HRC: variants seen among roughly 807,000 people sequenced by gnomAD.
HRC encodes histidine rich calcium binding protein, also known as sarcoplasmic reticulum histidine-rich calcium-binding protein.
In HRC, 41 loss-of-function variants were observed where a neutral mutation model predicts 61.4. The observed-to-expected ratio is 0.67, with a 90% CI of 0.52 to 0.87. The LOEUF (loss-of-function observed/expected upper bound fraction) is 0.87, where lower values mean the gene tolerates loss of function less well. Ranked by LOEUF, HRC falls within the 40% of genes least tolerant of loss-of-function variation. The pLI is 0.00. For synonymous variants in HRC, 308 were observed against 326.6 expected (o/e 0.94, Z 0.62); for missense variants, 839 against 885.8 (o/e 0.95, Z 0.67).
chr19:49,154,011 C>G lies in HRC; in HGVS notation c.1227G>C (p.Glu409Asp). ...GATGGTGAGGGACTTCTGTTTTATACTCATCTTGGAAGTCCTCTTCATCAC... is the reference window on the plus strand; with the variant it reads ...GATGGTGAGGGACTTCTGTTTTATAGTCATCTTGGAAGTCCTCTTCATCAC... ...HKSDEEDFQDEYKTEVPHHHH... is the reference protein window; with the variant it reads ...HKSDEEDFQDDYKTEVPHHHH... Residue 409 changes from glutamate (E) to aspartate (D), a missense_variant, in exon 1 of 6, where the codon GAG (glutamate) becomes GAC (aspartate). Physicochemically the swap from Glu to Asp is conservative, Grantham distance 45. Transcript: ENST00000252825. The G allele has an allele frequency of 6.2e-7, 1 of 1,613,958 alleles. No homozygotes were observed. The highest frequency in any genetic ancestry group is 8.5e-7 in the Non-Finnish European group (1 of 1,179,988).
Position 49,151,486 on chromosome 19 carries a change from GCTTTTACACGCTCCC to G in HRC, c.2063+16_2063+30del. ...CGAGACAAGCACTTCTCTAAACGGGGCTTTTACACGCTCCCCTTTTACACACTTACTGATAAAGGG... is the reference window on the plus strand; with the variant it reads ...CGAGACAAGCACTTCTCTAAACGGGGCTTTTACACACTTACTGATAAAGGG... On this transcript the variant is annotated intron_variant, in intron 5 of 5. Coordinates refer to ENST00000252825, the MANE Select transcript of HRC (RefSeq NM_002152.3). 6 of 1,610,990 alleles carry G rather than the reference GCTTTTACACGCTCCC, an allele frequency of 3.7e-6. No individual in the cohort carries two copies. The highest frequency in any genetic ancestry group is 5.1e-6 in the Non-Finnish European group (6 of 1,177,248).
chr19:49,151,850 C>G lies in HRC; in HGVS notation c.2026+154G>C. On this transcript the variant is annotated intron_variant, in intron 4 of 5. Transcript: ENST00000252825. The stretch of plus-strand genomic sequence containing the variant: ...GCAACTCCACCTGGTGTTCCTCGAG[C>G]CAGGCCCCGGCCCACGTGCTCAGAG... The G allele has an allele frequency of 9.4e-6, 7 of 743,272 alleles. No individual in the cohort carries two copies. The South Asian group carries it at 1.0e-4, about 11-fold the overall frequency. 46.0% of individuals were successfully genotyped at this position (743,272 alleles called of 1,614,324 possible).
rs1272919344 is a variant in HRC, at chr19:49,151,520, T to C, written c.2060A>G (p.Tyr687Cys). Residue 687 changes from tyrosine to cysteine, a missense_variant, in exon 5 of 6, where the codon TAT becomes TGT. Coordinates refer to ENST00000252825, the MANE Select transcript of HRC (RefSeq NM_002152.3). ...SYVDYFSSSL[Y>C]QALADMLETP... ...CGCTCCCCTTTTACACACTTACTGA[T>C]AAAGGGACGAGGAGAAATAGTCAAC... The C allele has an allele frequency of 1.2e-6, 2 of 1,613,700 alleles. No individual in the cohort carries two copies. Among genetic ancestry groups the C allele is most frequent in the African/African-American group, 2.7e-5 (2 of 74,856 alleles).
At position 49,153,629 on chromosome 19, in the gene HRC, C is replaced by T. The variant is rs1307660417; in HGVS notation, c.1609G>A (p.Glu537Lys). Residue 537 changes from glutamate (E) to lysine (K), a missense_variant, in exon 1 of 6, where the codon GAG becomes AAG. Transcript: ENST00000252825. The surrounding 1 kb of genome is among the most constrained non-coding windows in gnomAD (Gnocchi z 4.8). ...TCCTCCTCCTCCTCCTTGTCTTCCT[C>T]TTCTTCCTCCTCCTGGTTCAGGCTG... ...GLSLNQEEEE[E>K]EDKEEEEEEE... 2 of 1,557,652 alleles carry T rather than the reference C, an allele frequency of 1.3e-6. No individual in the cohort carries two copies. Among genetic ancestry groups the T allele is most frequent in the South Asian group, 1.1e-5 (1 of 89,464 alleles).
chr19:49,153,482 T>A lies in HRC; in HGVS notation c.1756A>T (p.Ile586Phe), dbSNP rs927207163. 6.3e-7 allele frequency: 1 copy of A among 1,593,370 alleles called. No individual in the cohort carries two copies. Among genetic ancestry groups the A allele is most frequent in the Non-Finnish European group, 8.6e-7 (1 of 1,169,540 alleles). Reference sequence around the variant, plus strand: ...CTCCTGTCCAGTGGGTTGGGGATGATGGTGAAGCGGGGCTCATCTTCCTCC... The same window carrying A: ...CTCCTGTCCAGTGGGTTGGGGATGAAGGTGAAGCGGGGCTCATCTTCCTCC... ...GLEEDEPRFT[I>F]IPNPLDRREE... Residue 586 changes from isoleucine (I) to phenylalanine (F), a missense_variant, in exon 1 of 6, where the codon ATC (isoleucine) becomes TTC (phenylalanine). Ile to Phe is a conservative substitution (Grantham distance 21, BLOSUM62 0). Coordinates refer to ENST00000252825, the MANE Select transcript of HRC (RefSeq NM_002152.3). The surrounding 1 kb of genome is among the most constrained non-coding windows in gnomAD (Gnocchi z 4.8).
chr19:49,152,166 T>A (rs2041367150), intron 3 of HRC, 108 bp from the exon 4 acceptor site: 5 of 1,292,420 alleles, frequency 3.9e-6, no homozygotes, highest in Non-Finnish European at 5.6e-6. Context: ...AGGTTAAGGT[T>A]GGAGTCAGGA....
rs1244265243 is a variant in HRC at position 49,154,216 on chromosome 19, G to C, written c.1022C>G (p.Pro341Arg). Reference sequence around the variant, plus strand: ...TCTGTGGCCTTGGTGCCTGTGGTCAGGGACATGATGGTGGTGTTCACCTGA... The same window carrying C: ...TCTGTGGCCTTGGTGCCTGTGGTCACGGACATGATGGTGGTGTTCACCTGA... The part of the protein sequence containing the change: ...AVSGEHHHHV[P>R]DHRHQGHRDE... Residue 341 changes from proline (P) to arginine (R), a missense_variant, in exon 1 of 6, where the codon CCT (proline) becomes CGT (arginine). Coordinates refer to ENST00000252825, the MANE Select transcript of HRC (RefSeq NM_002152.3). The C allele has an allele frequency of 6.2e-7, 1 of 1,612,764 alleles. No homozygotes were observed. The highest frequency in any genetic ancestry group is 1.7e-5 in the Admixed American group (1 of 59,922).
In HRC at chr19:49,155,275, C is replaced by T. The variant is rs745840701; in HGVS notation, c.-38G>A. ...GCAGCACTGGCTCCAGCTGCCTCTG[C>T]GGCAATGTGGACAAACGTTGGGGTC... On this transcript the variant is annotated 5_prime_UTR_variant, in exon 1 of 6. Transcript: ENST00000252825. The surrounding 1 kb of genome is among the most constrained non-coding windows in gnomAD (Gnocchi z 4.7). 1.9e-5 allele frequency: 29 copies of T among 1,548,882 alleles called. No homozygotes were observed. The highest frequency in any genetic ancestry group is 6.0e-5 in the Admixed American group (3 of 49,690).
Position 49,153,112 on chromosome 19 carries a change from C to T in HRC, c.1902+149G>A, listed in dbSNP as rs952226712. The T allele has an allele frequency of 7.3e-6, 5 of 680,366 alleles. No individual in the cohort carries two copies. Among genetic ancestry groups the T allele is most frequent in the Non-Finnish European group, 1.3e-5 (5 of 372,420 alleles). The allele number at this position is 680,366 out of a possible 1,614,324, so 42.1% of individuals were successfully genotyped here. A position where few individuals can be genotyped will look rare whatever the true frequency, so the allele number is the denominator to read the frequency against. On this transcript the variant is annotated intron_variant, in intron 2 of 5. Transcript: ENST00000252825. This position sits in a 1 kb window ranked among gnomAD's most constrained non-coding sequence, Gnocchi z 4.8. ...CCAGCCTCCCAGCCTTCAGTCTGTC[C>T]TCACCTCACATGCCTGCAGAAGGAT...
At chr19:49,152,472 A>G (rs1600362632) in intron 2 of HRC, 94 bp from the exon 3 acceptor site, 15 of 909,894 alleles carry the variant, frequency 1.6e-5, no homozygotes, top group Non-Finnish European at 1.2e-5. Context: ...ACGCTTCCCC[A>G]GACTCTACCC....
At position 49,153,181 on chromosome 19, in the gene HRC, C is replaced by A. The variant is rs770642602; in HGVS notation, c.1902+80G>T. ...GACCCTGGCCTGCCCTTGCTCTGAG[C>A]CCTCCCACAGCACCACCCCAGGGCC... On this transcript the variant is annotated intron_variant, in intron 2 of 5. Coordinates refer to ENST00000252825, the MANE Select transcript of HRC (RefSeq NM_002152.3). The surrounding 1 kb of genome is among the most constrained non-coding windows in gnomAD (Gnocchi z 4.8). 2.8e-5 allele frequency: 30 copies of A among 1,068,956 alleles called. No homozygotes were observed. The highest frequency in any genetic ancestry group is 4.2e-5 in the Non-Finnish European group (29 of 694,252). 66.2% of individuals were successfully genotyped at this position (1,068,956 alleles called of 1,614,324 possible).
intron 4 of HRC, 85 bp from the exon 5 acceptor site, chr19:49,151,638 G>A (rs1049775993): frequency 4.2e-6 from 5 of 1,187,336 alleles, no homozygotes; most frequent in African/African-American, 1.5e-5. Context: ...CGAGATTAGT[G>A]CTAGCTCCAC....
chr19:49,153,339 G>T lies in HRC; in HGVS notation c.1832-8C>A. ...CCTGAGCATCCTGTGGACCTGCGGGGACAGGAGGGCAGCAGTGACCCAGGC... is the reference window on the plus strand; with the variant it reads ...CCTGAGCATCCTGTGGACCTGCGGGTACAGGAGGGCAGCAGTGACCCAGGC... On this transcript the variant is annotated splice_region_variant and splice_polypyrimidine_tract_variant and intron_variant, in intron 1 of 5. Transcript: ENST00000252825. The surrounding 1 kb of genome is among the most constrained non-coding windows in gnomAD (Gnocchi z 4.8). 6.2e-7 allele frequency: 1 copy of T among 1,612,982 alleles called. No homozygotes were observed. Among genetic ancestry groups the T allele is most frequent in the Non-Finnish European group, 8.5e-7 (1 of 1,178,976 alleles).
chr19:49,151,198 T>G lies in HRC; in HGVS notation c.*98A>C. 9.0e-7 allele frequency: 1 copy of G among 1,104,994 alleles called. No homozygotes were observed. Among genetic ancestry groups the G allele is most frequent in the Non-Finnish European group, 1.3e-6 (1 of 773,038 alleles). 68.4% of individuals were successfully genotyped at this position (1,104,994 alleles called of 1,614,324 possible). ...CCAGACCCCACGTCTGACAATGAGG[T>G]TTCGGGGAGCACGTTTATTCGGAGA... On this transcript the variant is annotated 3_prime_UTR_variant, in exon 6 of 6. Transcript: ENST00000252825.
chr19:49,155,378 G>A lies in HRC; in HGVS notation c.-141C>T, dbSNP rs997114944. On this transcript the variant is annotated 5_prime_UTR_variant, in exon 1 of 6. Coordinates refer to ENST00000252825, the MANE Select transcript of HRC (RefSeq NM_002152.3). This position sits in a 1 kb window ranked among gnomAD's most constrained non-coding sequence, Gnocchi z 4.7. ...TTCGGTCTCTGTCCACCTTCCTCTG[G>A]TCCTTGCTGCCTGGCTCTGGACACC... The A allele has an allele frequency of 3.2e-6, 4 of 1,250,050 alleles. No homozygotes were observed. The highest frequency in any genetic ancestry group is 3.0e-5 in the African/African-American group (2 of 65,764). 77.4% of individuals were successfully genotyped at this position (1,250,050 alleles called of 1,614,324 possible).
At chr19:49,151,460 G>C in intron 5 of HRC, 57 bp downstream of exon 5, 1 of 1,596,706 alleles carries the variant, frequency 6.3e-7, no homozygotes, top group South Asian at 1.1e-5. Flanking sequence ...ATAACTCATA[G>C]CGAGACAAGC....
Position 49,153,588 on chromosome 19 carries a change from C to T in HRC, c.1650G>A (p.Glu550=), listed in dbSNP as rs537499546. The change falls in exon 1 of 6, where the codon GAG becomes GAA. Residue 550 remains glutamate, a synonymous_variant. Coordinates refer to ENST00000252825, the MANE Select transcript of HRC (RefSeq NM_002152.3). This position sits in a 1 kb window ranked among gnomAD's most constrained non-coding sequence, Gnocchi z 4.8. Reference sequence around the variant, plus strand: ...CAACCTCAGCCCTCTCTTCCCTCCTCTCCTCGTCTTCTTCCTCCTCCTCCT... The same window carrying T: ...CAACCTCAGCCCTCTCTTCCCTCCTTTCCTCGTCTTCTTCCTCCTCCTCCT... ...KEEEEEEEDE[E]RREERAEVGA... 5 of 1,533,266 alleles carry T rather than the reference C, an allele frequency of 3.3e-6. No individual in the cohort carries two copies. In the African/African-American group the frequency reaches 4.1e-5, roughly 13 times the overall value. The allele number at this position is 1,533,266 out of a possible 1,614,324, so 95.0% of individuals were successfully genotyped here.
Position 49,153,639 on chromosome 19 carries a change from C to T in HRC, c.1599G>A (p.Glu533=). The T allele has an allele frequency of 1.3e-6, 2 of 1,561,846 alleles. No individual in the cohort carries two copies. Among genetic ancestry groups the T allele is most frequent in the East Asian group, 2.2e-5 (1 of 44,612 alleles). ...EEGHGLSLNQ[E]EEEEEDKEEE... ...CCTCCTTGTCTTCCTCTTCTTCCTC[C>T]TCCTGGTTCAGGCTGAGGCCATGAC... The change falls in exon 1 of 6, where the codon GAG becomes GAA. Residue 533 remains glutamate, a synonymous_variant. Coordinates refer to ENST00000252825, the MANE Select transcript of HRC (RefSeq NM_002152.3). The surrounding 1 kb of genome is among the most constrained non-coding windows in gnomAD (Gnocchi z 4.8).
rs749165705 is a variant in HRC, at chr19:49,154,822, C to T, written c.416G>A (p.Ser139Asn). ...GQARGHRGHG[S>N]EDTEDSAEHR... Reference sequence around the variant, plus strand: ...CTCAGCTGAGTCTTCCGTGTCTTCACTCCCGTGGCCTCTGTGCCCACGGGC... The same window carrying T: ...CTCAGCTGAGTCTTCCGTGTCTTCATTCCCGTGGCCTCTGTGCCCACGGGC... The change falls in exon 1 of 6, where the codon AGT (serine) becomes AAT (asparagine). Residue 139 changes from serine to asparagine, a missense_variant. Physicochemically the swap from Ser to Asn is conservative, Grantham distance 46. Transcript: ENST00000252825. 6 of 1,614,004 alleles carry T rather than the reference C, an allele frequency of 3.7e-6. No homozygotes were observed. The highest frequency in any genetic ancestry group is 3.3e-4 in the Middle Eastern group (2 of 6,084).
Sources: allele counts gnomAD v4.1 joint callset, GRCh38; gene constraint gnomAD v4.1.1; non-coding constraint Gnocchi (gnomAD v3.1); transcripts MANE v1.5; gene names NCBI Gene and HGNC (gene_info 2026-07-23, HGNC 2026-07-21).